Variants in PSMD1 observed in about 807,000 individuals in gnomAD.
The protein encoded by PSMD1 is proteasome 26S subunit, non-ATPase 1.
A neutral mutation model predicts 119.0 loss-of-function variants in PSMD1; 18 were observed. The observed-to-expected ratio is 0.15, with a 90% confidence interval of 0.10 to 0.22. The LOEUF (loss-of-function observed/expected upper bound fraction) is 0.22. Ranked by LOEUF, PSMD1 falls within the 10% of genes least tolerant of loss-of-function variation. PSMD1 has a pLI of 1.00. For missense variants in PSMD1, 702 were observed against 1,158.5 expected (o/e 0.61, Z 5.72); for synonymous variants, 374 against 396.6 (o/e 0.94, Z 0.68).
intron 16 of PSMD1, among the ~76,000 whole-genome samples, chr2:231,110,452 G>C (rs1403941668): frequency 6.6e-6 from 1 of 152,086 alleles, no homozygotes; most frequent in East Asian, 1.9e-4. Flanking sequence ...ATAATACAGG[G>C]GTTAACCTGA....
At chr2:231,080,086 CTTT>C (rs1559222243) in intron 11 of PSMD1, 52 bp from the exon 12 acceptor site, 5 of 1,471,982 alleles carry the variant, frequency 3.4e-6, no homozygotes, top group Non-Finnish European at 4.6e-6. Context: ...AAAACATTGT[CTTT>C]TTTCTTCTTA....
intron 17 of PSMD1, among the ~76,000 whole-genome samples, chr2:231,141,789 A>G (rs1022851212): frequency 9.2e-5 from 14 of 152,198 alleles, no homozygotes; most frequent in Admixed American, 6.6e-5. Flanking sequence ...TGGCAAGATC[A>G]TTAAAGGATG....
rs35750632 is a variant in PSMD1 at position 231,157,586 on chromosome 2, TG to T, written c.2219-3746del. ...TTTATTACATAAAAGTTCTTTTTTTTGGGGGGGGCCAATTCTGTCACCCAGC... is the reference window on the plus strand; with the variant it reads ...TTTATTACATAAAAGTTCTTTTTTTTGGGGGGGCCAATTCTGTCACCCAGC... On this transcript the variant is annotated intron_variant, in intron 19 of 24. Transcript: ENST00000308696. 9.3e-5 allele frequency among the ~76,000 whole-genome samples: 14 copies of T among 150,752 alleles called. No homozygotes were observed. The East Asian group carries it at 9.8e-4, about 11-fold the overall frequency.
At chr2:231,094,625 GTAAGGGAAT>G (rs1471761304) in intron 16 of PSMD1, among the ~76,000 whole-genome samples, 1 of 152,166 alleles carries the variant, frequency 6.6e-6, no homozygotes, top group African/African-American at 2.4e-5. Context: ...TCCAGAATGA[GTAAGGGAAT>G]TATGTGGTTT....
Position 231,077,054 on chromosome 2 carries a change from G to A in PSMD1, c.963G>A (p.Gln321=), listed in dbSNP as rs1694185339. The A allele has an allele frequency of 6.2e-7, 1 of 1,603,532 alleles. No homozygotes were observed. Residue 321 remains glutamine (Q), a synonymous_variant, in exon 9 of 25, where the codon CAG becomes CAA. Coordinates refer to ENST00000308696, the MANE Select transcript of PSMD1 (RefSeq NM_002807.4). ...GGCAGAGTCCAGAGCCTAAGGACCA[G>A]ACTTTGAAAATGATTAAAATTTTAA... ...TPEASPEPKD[Q]TLKMIKILSG... is the part of the protein sequence containing the mutation.
At chr2:231,096,108 T>G (rs1694717773) in intron 16 of PSMD1, among the ~76,000 whole-genome samples, 1 of 152,232 alleles carries the variant, frequency 6.6e-6, no homozygotes, top group African/African-American at 2.4e-5. Flanking sequence ...CCGTTCTTTC[T>G]AATGCTTTTT....
intron 16 of PSMD1, among the ~76,000 whole-genome samples, chr2:231,119,207 G>C (rs890147085): frequency 1.3e-5 from 2 of 152,238 alleles, no homozygotes; most frequent in Non-Finnish European, 2.9e-5. Flanking sequence ...CTCCATTTCA[G>C]AATTGGGTAG....
chr2:231,139,084 T>C (rs1696040229), intron 17 of PSMD1: 2 of 549,214 alleles, frequency 3.6e-6, no homozygotes, highest in Non-Finnish European at 6.6e-6. Context: ...TGCTTTTGAA[T>C]TTCTTTTTGA....
intron 15 of PSMD1, 109 bp from the exon 16 acceptor site, chr2:231,087,008 T>C: frequency 1.3e-6 from 1 of 756,068 alleles, no homozygotes; most frequent in South Asian, 1.7e-5. Flanking sequence ...TTGATATACC[T>C]ATCAGTAGTG....
chr2:231,066,494 C>T (rs1408432244), intron 4 of PSMD1, among the ~76,000 whole-genome samples: 1 of 152,090 alleles, frequency 6.6e-6, no homozygotes. Context: ...GCAGCTTAAT[C>T]GGGTAGAGTA....
intron 16 of PSMD1, among the ~76,000 whole-genome samples, chr2:231,093,424 C>T (rs541602528): frequency 5.9e-5 from 9 of 152,208 alleles, no homozygotes; most frequent in Admixed American, 2.6e-4. Context: ...CCTAGGAAGC[C>T]GCGTCGTCCG....
intron 16 of PSMD1, among the ~76,000 whole-genome samples, chr2:231,115,120 G>A (rs1278170026): frequency 1.3e-5 from 2 of 151,966 alleles, no homozygotes; most frequent in Non-Finnish European, 1.5e-5. Context: ...AGAACAACAA[G>A]AGACTCTTCT....
chr2:231,070,260 A>G, intron 6 of PSMD1, 92 bp downstream of exon 6: 2 of 1,066,760 alleles, frequency 1.9e-6, no homozygotes, highest in Non-Finnish European at 2.4e-6. Context: ...ATATTACTAT[A>G]ATGGCTTTAT....
At chr2:231,068,452 C>T (rs1693958746) in intron 5 of PSMD1, among the ~76,000 whole-genome samples, 2 of 152,154 alleles carry the variant, frequency 1.3e-5, no homozygotes, top group African/African-American at 2.4e-5. Context: ...AGATACTGTT[C>T]TAGGCATTGG....
At chr2:231,100,020 G>A (rs914444036) in intron 16 of PSMD1, among the ~76,000 whole-genome samples, 18 of 152,030 alleles carry the variant, frequency 1.2e-4, no homozygotes, top group Non-Finnish European at 2.5e-4. Context: ...CTGCGTTGCT[G>A]AGAGCTCGGG....
chr2:231,138,604 A>C, intron 16 of PSMD1, 132 bp from the exon 17 acceptor site: 1 of 633,520 alleles, frequency 1.6e-6, no homozygotes, highest in Non-Finnish European at 2.8e-6. Context: ...AAAGATTTTT[A>C]ATTCTGCAAT....
intron 16 of PSMD1, among the ~76,000 whole-genome samples, chr2:231,112,357 C>G (rs1695182376): frequency 1.3e-5 from 2 of 152,230 alleles, no homozygotes; most frequent in South Asian, 4.1e-4. Context: ...CCTCATCTAG[C>G]CTTTTCTCAC....
intron 16 of PSMD1, among the ~76,000 whole-genome samples, chr2:231,096,420 C>A (rs1374501602): frequency 1.3e-5 from 2 of 152,076 alleles, no homozygotes; most frequent in Admixed American, 6.5e-5. Context: ...TATAGCAGGA[C>A]CAAAGCAGCC....
chr2:231,113,912 GGAGGGGCCACATAGCCTCT>G (rs1695245890), intron 16 of PSMD1: 1 of 1,613,888 alleles, frequency 6.2e-7, no homozygotes, highest in Non-Finnish European at 8.5e-7. Context: ...AGAACAAGTG[GGAGGGGCCACATAGCCTCT>G]GAAAGAAACA....
Sources: gnomAD v4.1 joint callset for allele counts (sites outside exome capture counted in the v4.1 genomes callset) on GRCh38, gnomAD v4.1.1 for gene constraint, MANE v1.5 for transcripts, NCBI Gene and HGNC (gene_info 2026-07-23, HGNC 2026-07-21) for gene names.